NAA15: variants seen among roughly 807,000 people sequenced by gnomAD.
The protein encoded by NAA15 is N-terminal acetyltransferase.
A neutral mutation model predicts 114.0 loss-of-function variants in NAA15; 34 were observed. That is an observed-to-expected ratio of 0.30 (90% CI 0.23 to 0.40). The LOEUF (loss-of-function observed/expected upper bound fraction) is 0.40. Ranked by LOEUF, NAA15 falls within the 10% of genes least tolerant of loss-of-function variation. The pLI, the probability that NAA15 is intolerant of heterozygous loss-of-function variation, is 1.00. For synonymous variants in NAA15, 340 were observed against 338.0 expected (o/e 1.01, Z -0.06); for missense variants, 658 against 1,004.5 (o/e 0.66, Z 4.66).
In NAA15 at chr4:139,334,169, G is replaced by T; in HGVS notation, c.55-5G>T. On this transcript the variant is annotated splice_region_variant and splice_polypyrimidine_tract_variant and intron_variant, in intron 1 of 19. Transcript: ENST00000296543. The stretch of plus-strand genomic sequence containing the variant: ...AACTTAAATTTTTCTTTTTTGTTTT[G>T]ACAGAGGTGTTATGAACATAAACAG... 1.9e-6 allele frequency: 3 copies of T among 1,562,404 alleles called. No homozygotes were observed. The highest frequency in any genetic ancestry group is 1.2e-5 in the South Asian group (1 of 81,152).
At chr4:139,349,635 T>G in intron 7 of NAA15, 54 bp downstream of exon 7, 1 of 1,484,772 alleles carries the variant, frequency 6.7e-7, no homozygotes. Flanking sequence ...TAATATATAT[T>G]TTATTTACTC....
At chr4:139,360,065 A>G (rs1179389318) in intron 12 of NAA15, among the ~76,000 whole-genome samples, 170 bp downstream of exon 12, 2 of 152,190 alleles carry the variant, frequency 1.3e-5, no homozygotes, top group Non-Finnish European at 2.9e-5. Flanking sequence ...ATTGATATAA[A>G]GGATTTTCCA....
intron 1 of NAA15, among the ~76,000 whole-genome samples, chr4:139,315,656 A>G (rs924186191): frequency 6.6e-6 from 1 of 151,924 alleles, no homozygotes; most frequent in Non-Finnish European, 1.5e-5. Context: ...CACGTGTATT[A>G]TTAGTACTTG....
intron 1 of NAA15, among the ~76,000 whole-genome samples, chr4:139,331,574 G>T (rs1320383005): frequency 6.7e-6 from 1 of 149,530 alleles, no homozygotes; most frequent in Non-Finnish European, 1.5e-5. Flanking sequence ...AGCCTCCCAA[G>T]TAGCTGGGAT....
intron 16 of NAA15, among the ~76,000 whole-genome samples, chr4:139,377,144 CTG>C (rs1389995195): frequency 1.3e-5 from 2 of 152,158 alleles, no homozygotes; most frequent in South Asian, 2.1e-4. Context: ...GAAAGAGAAA[CTG>C]TTTAATAAAA....
At chr4:139,341,101 C>A (rs756839926) in intron 4 of NAA15, 32 bp downstream of exon 4, 3 of 1,397,466 alleles carry the variant, frequency 2.1e-6, no homozygotes, top group Admixed American at 2.7e-5. Context: ...TTTTTTAATT[C>A]TAAGGGGAAA....
intron 1 of NAA15, among the ~76,000 whole-genome samples, chr4:139,323,625 C>T (rs1280723954): frequency 6.6e-6 from 1 of 152,198 alleles, no homozygotes. Context: ...AGGTCCCCCA[C>T]CCACACCCCT....
At chr4:139,362,035 C>T (rs1360120731) in intron 14 of NAA15, 98 bp downstream of exon 14, 2 of 731,528 alleles carry the variant, frequency 2.7e-6, no homozygotes, top group Non-Finnish European at 4.2e-6. Flanking sequence ...GTCTTGAGCA[C>T]CACGAGGAAA....
rs1380522883 is a variant in NAA15 at position 139,355,406 on chromosome 4, A to AT, written c.1087+1318dup. Among the ~76,000 whole-genome samples the AT allele has an allele frequency of 6.8e-4, 99 of 146,186 alleles. No homozygotes were observed. The East Asian group carries it at 9.6e-3, about 14-fold the overall frequency. Reference sequence around the variant, plus strand: ...ATTTATTTGTTGAAGAAATTTTTTTATTTTTTTTTTCAGTTTTCCCAGTCT... The same window carrying AT: ...ATTTATTTGTTGAAGAAATTTTTTTATTTTTTTTTTTCAGTTTTCCCAGTCT... On this transcript the variant is annotated intron_variant, in intron 10 of 19. Coordinates refer to ENST00000296543, the MANE Select transcript of NAA15 (RefSeq NM_057175.5).
In NAA15 at chr4:139,301,696, C is replaced by G; in HGVS notation, c.-82C>G. On this transcript the variant is annotated 5_prime_UTR_variant, in exon 1 of 20. Transcript: ENST00000296543. ...ATCGAGATATTCAAGGCTGAAGCAG[C>G]TACGGAACGGCAGCGGCGGCGGTCG... is the stretch of plus-strand genomic sequence containing the variant. 3 of 1,487,220 alleles carry G rather than the reference C, an allele frequency of 2.0e-6. No individual in the cohort carries two copies. The highest frequency in any genetic ancestry group is 1.2e-5 in the South Asian group (1 of 80,286). The allele number at this position is 1,487,220 out of a possible 1,614,324, so 92.1% of individuals were successfully genotyped here. A position where few individuals can be genotyped will look rare whatever the true frequency, so the allele number is the denominator to read the frequency against.
chr4:139,386,180 A>G lies in NAA15; in HGVS notation c.2350A>G (p.Ile784Val), dbSNP rs201001193. ...YLDPSSQKRA[I>V]ELATTLDESL... ...AGATCCTTCTAGTCAGAAGCGAGCT[A>G]TAGAGTTGGCAACAACACTTGATGA... Residue 784 changes from isoleucine (I) to valine (V), a missense_variant, in exon 19 of 20, where the codon ATA (isoleucine) becomes GTA (valine). Ile to Val is a conservative substitution (Grantham distance 29). Coordinates refer to ENST00000296543, the MANE Select transcript of NAA15 (RefSeq NM_057175.5). 3.6e-4 allele frequency: 578 copies of G among 1,611,494 alleles called. No homozygotes were observed. Among genetic ancestry groups the G allele is most frequent in the Non-Finnish European group, 4.7e-4 (558 of 1,178,752 alleles).
In NAA15 at chr4:139,390,443, C is replaced by T. The variant is rs984960276; in HGVS notation, c.*2359C>T. ...ATCGTCTCATATTTGCCTCATTCAT[C>T]CTATTAATTTCAAATGATACTGTGG... On this transcript the variant is annotated 3_prime_UTR_variant, in exon 20 of 20. Coordinates refer to ENST00000296543, the MANE Select transcript of NAA15 (RefSeq NM_057175.5). The T allele has an allele frequency of 1.3e-5, 2 of 152,462 alleles. No homozygotes were observed. Among genetic ancestry groups the T allele is most frequent in the African/African-American group, 2.4e-5 (1 of 41,364 alleles). The allele number at this position is 152,462 out of a possible 1,614,324, so 9.4% of individuals were successfully genotyped here.
intron 4 of NAA15, among the ~76,000 whole-genome samples, chr4:139,342,315 GT>G (rs1278416037): frequency 1.3e-5 from 2 of 152,050 alleles, no homozygotes; most frequent in Non-Finnish European, 2.9e-5. Context: ...CTGGTCTTAA[GT>G]TTTAAAAAAA....
chr4:139,309,050 G>A (rs1380915968), intron 1 of NAA15, among the ~76,000 whole-genome samples: 1 of 151,880 alleles, frequency 6.6e-6, no homozygotes, highest in Non-Finnish European at 1.5e-5. Context: ...TGATTTTTCT[G>A]TAAAAATCGA....
chr4:139,315,001 T>TCAGGTCAGG (rs1553992509), intron 1 of NAA15, among the ~76,000 whole-genome samples: 23 of 74,364 alleles, frequency 3.1e-4, no homozygotes, highest in Admixed American at 4.6e-4. Context: ...TTCAGTTCAG[T>TCAGGTCAGG]TTAGTTTAGG....
intron 17 of NAA15, among the ~76,000 whole-genome samples, chr4:139,384,419 A>G (rs935110800): frequency 2.6e-5 from 4 of 152,196 alleles, no homozygotes; most frequent in African/African-American, 7.2e-5. Context: ...TTGACGCTGC[A>G]GTGAGCCATG....
intron 1 of NAA15, among the ~76,000 whole-genome samples, chr4:139,316,529 A>G (rs1746415715): frequency 6.6e-6 from 1 of 151,712 alleles, no homozygotes; most frequent in Non-Finnish European, 1.5e-5. Flanking sequence ...TTATGTCTGC[A>G]TTTGTTATTT....
chr4:139,337,052 C>CA (rs1409146529), intron 3 of NAA15, 100 bp downstream of exon 3: 1 of 592,224 alleles, frequency 1.7e-6, no homozygotes, highest in Non-Finnish European at 2.7e-6. Context: ...TGTGCTATTA[C>CA]AGAGGAAATT....
At chr4:139,385,308 T>TATATATTATATA (rs1489273737) in intron 18 of NAA15, among the ~76,000 whole-genome samples, 1 of 91,852 alleles carries the variant, frequency 1.1e-5, no homozygotes, top group African/African-American at 3.9e-5. Context: ...ATAATATATA[T>TATATATTATATA]TATATATATA....
Sources: allele counts gnomAD v4.1 joint callset (sites outside exome capture counted in the v4.1 genomes callset), GRCh38; gene constraint gnomAD v4.1.1; transcripts MANE v1.5; gene names NCBI Gene and HGNC (gene_info 2026-07-23, HGNC 2026-07-21).